The following PRICKLE2 variants were observed in gnomAD, a reference collection of about 807,000 sequenced individuals.
The protein encoded by PRICKLE2 is prickle-like protein 2.
In PRICKLE2, 21 loss-of-function variants were observed where a neutral mutation model predicts 81.4. The observed-to-expected ratio is 0.26, with a 90% CI of 0.18 to 0.37. PRICKLE2 has a LOEUF of 0.37. Among genes scored for constraint, PRICKLE2 ranks in the 10% least tolerant of loss-of-function variants. The probability of loss-of-function intolerance (pLI) is 1.00; values close to 1 mark genes in which losing one functional copy is unlikely to be tolerated. For missense variants in PRICKLE2, 940 were observed against 1,109.0 expected (o/e 0.85, Z 2.16); for synonymous variants, 456 against 421.5 (o/e 1.08, Z -1.00).
At chr3:64,132,810 G>A (rs1242038882) in intron 7 of PRICKLE2, among the ~76,000 whole-genome samples, 3 of 152,206 alleles carry the variant, frequency 2.0e-5, no homozygotes, top group African/African-American at 7.2e-5. Flanking sequence ...CAGTACATTA[G>A]AGATATATTT....
chr3:64,240,878 CT>C (rs905215288), intron 2 of PRICKLE2, among the ~76,000 whole-genome samples: 1 of 152,118 alleles, frequency 6.6e-6, no homozygotes, highest in African/African-American at 2.4e-5. Context: ...CCAACAACTT[CT>C]TTTTATGGCC....
intron 7 of PRICKLE2, chr3:64,145,379 T>A (rs1294913484): frequency 6.7e-6 from 1 of 149,094 alleles, no homozygotes; most frequent in Non-Finnish European, 1.5e-5. Context: ...GCTATATATT[T>A]TATATATATA....
intron 2 of PRICKLE2, among the ~76,000 whole-genome samples, chr3:64,169,820 G>A (rs539665683): frequency 9.2e-5 from 14 of 152,234 alleles, no homozygotes; most frequent in South Asian, 2.1e-4. Flanking sequence ...ACCTCAATTC[G>A]GGGAGGTAAT....
chr3:64,255,133 G>C (rs928933716), intron 2 of PRICKLE2, among the ~76,000 whole-genome samples: 2 of 152,194 alleles, frequency 1.3e-5, no homozygotes, highest in Admixed American at 1.3e-4. Flanking sequence ...CCATAGTAGT[G>C]AGTAGGGTCA....
intron 1 of PRICKLE2, among the ~76,000 whole-genome samples, chr3:64,219,010 C>T (rs948554821): frequency 6.6e-6 from 1 of 152,118 alleles, no homozygotes; most frequent in Non-Finnish European, 1.5e-5. Flanking sequence ...ACTGACACCC[C>T]CTCTTCACTA....
chr3:64,119,315 C>T (rs557839525), intron 7 of PRICKLE2, among the ~76,000 whole-genome samples: 1 of 152,230 alleles, frequency 6.6e-6, no homozygotes, highest in South Asian at 2.1e-4. Flanking sequence ...AACAAACCCC[C>T]ATAACACAAG....
chr3:64,141,549 CAAAGTT>C (rs1381823754), intron 7 of PRICKLE2, among the ~76,000 whole-genome samples: 3 of 152,192 alleles, frequency 2.0e-5, no homozygotes, highest in Non-Finnish European at 4.4e-5. Flanking sequence ...TAGGGGCTGG[CAAAGTT>C]AAAGCGCTTC....
At chr3:64,233,608 T>A (rs1259696311) in intron 2 of PRICKLE2, among the ~76,000 whole-genome samples, 1 of 152,206 alleles carries the variant, frequency 6.6e-6, no homozygotes, top group East Asian at 1.9e-4. Context: ...CCATCCTATC[T>A]GAGATTGTCA....
chr3:64,241,619 A>G (rs147470257), intron 2 of PRICKLE2, among the ~76,000 whole-genome samples: 1,817 of 152,252 alleles, frequency 0.012, 37 homozygotes, highest in African/African-American at 0.041. Context: ...CCTGGTTTAG[A>G]ATTCAGGGAT....
chr3:64,140,116 C>A (rs1040054807), intron 7 of PRICKLE2, among the ~76,000 whole-genome samples: 2 of 152,190 alleles, frequency 1.3e-5, no homozygotes, highest in Non-Finnish European at 2.9e-5. Flanking sequence ...AGACACTGTT[C>A]TAAATTCTTT....
chr3:64,182,278 G>A (rs1046874431), intron 2 of PRICKLE2, among the ~76,000 whole-genome samples: 1 of 151,992 alleles, frequency 6.6e-6, no homozygotes, highest in African/African-American at 2.4e-5. Context: ...TTTGAGTCCG[G>A]GTGTTAGAGA....
intron 2 of PRICKLE2, among the ~76,000 whole-genome samples, chr3:64,185,228 G>A (rs1001484036): frequency 6.6e-6 from 1 of 152,042 alleles, no homozygotes; most frequent in African/African-American, 2.4e-5. Flanking sequence ...AACACCCTTT[G>A]GCAAGAGTCA....
At position 64,131,796 on chromosome 3, in the gene PRICKLE2, C is replaced by T. The variant is rs2077200882; in HGVS notation, c.1660+15034G>A. On this transcript the variant is annotated intron_variant, in intron 7 of 7. Transcript: ENST00000638394. ...GCACATGGTATTCCCGACCTACTGC[C>T]TCTTTGTAGTCTTGCATTTGCTTTC... 2.0e-5 allele frequency among the ~76,000 whole-genome samples: 3 copies of T among 152,182 alleles called. No individual in the cohort carries two copies. The South Asian group carries it at 6.2e-4, about 32-fold the overall frequency.
chr3:64,131,349 G>C (rs773029154), intron 7 of PRICKLE2, among the ~76,000 whole-genome samples: 2 of 152,166 alleles, frequency 1.3e-5, no homozygotes, highest in Non-Finnish European at 2.9e-5. Flanking sequence ...CTGTAACTGT[G>C]GCAACACCCA....
chr3:64,172,044 A>G (rs11714978), intron 2 of PRICKLE2, among the ~76,000 whole-genome samples: 17,035 of 152,256 alleles, frequency 0.11, 1,210 homozygotes, highest in East Asian at 0.22. Context: ...TAGTTCTCAC[A>G]TGACCACTCT....
In PRICKLE2 at chr3:64,198,980, A is replaced by G; in HGVS notation, c.-40-13T>C. The G allele has an allele frequency of 3.1e-6, 5 of 1,613,204 alleles. No individual in the cohort carries two copies. Among genetic ancestry groups the G allele is most frequent in the Non-Finnish European group, 4.2e-6 (5 of 1,179,916 alleles). On this transcript the variant is annotated splice_polypyrimidine_tract_variant and intron_variant, in intron 1 of 7. Transcript: ENST00000638394. ...CAGGCAGATCTTCCTGCAGGCAGTA[A>G]AGGTAGAAGGTGAGAAAGAGGAAAA...
chr3:64,137,870 G>A (rs2077301103), intron 7 of PRICKLE2, among the ~76,000 whole-genome samples: 1 of 152,180 alleles, frequency 6.6e-6, no homozygotes, highest in Non-Finnish European at 1.5e-5. Flanking sequence ...TATGGGACCA[G>A]TCAGAAGGTG....
chr3:64,141,638 G>A (rs2077363871), intron 7 of PRICKLE2, among the ~76,000 whole-genome samples: 1 of 152,216 alleles, frequency 6.6e-6, no homozygotes. Context: ...AAGCATAAGG[G>A]ATGAATTGTG....
intron 2 of PRICKLE2, among the ~76,000 whole-genome samples, chr3:64,260,156 T>C (rs1389623887): frequency 3.9e-5 from 6 of 152,118 alleles, no homozygotes; most frequent in African/African-American, 1.4e-4. Context: ...TATGGTACCA[T>C]AGACTTTCCC....
Sources: gnomAD v4.1 joint callset for allele counts (sites outside exome capture counted in the v4.1 genomes callset) on GRCh38, gnomAD v4.1.1 for gene constraint, MANE v1.5 for transcripts, NCBI Gene and HGNC (gene_info 2026-07-23, HGNC 2026-07-21) for gene names.